Variants in TCERG1L observed in about 807,000 individuals in gnomAD.
TCERG1L encodes transcription elongation regulator 1 like.
Under a neutral mutation model 56.3 loss-of-function variants are expected in TCERG1L, and 37 were observed. The ratio of observed to expected loss-of-function variants is 0.66; its 90% CI spans 0.51 to 0.87. The LOEUF is 0.87. TCERG1L is among the 40% of genes least tolerant of loss of function. The probability of loss-of-function intolerance (pLI) is 0.00; values close to 1 mark genes in which losing one functional copy is unlikely to be tolerated. For missense variants in TCERG1L, 799 were observed against 774.2 expected (o/e 1.03, Z -0.38); for synonymous variants, 324 against 326.3 (o/e 0.99, Z 0.08).
chr10:131,242,307 CG>C (rs1177634580), intron 4 of TCERG1L, among the ~76,000 whole-genome samples: 1 of 151,870 alleles, frequency 6.6e-6, no homozygotes, highest in Non-Finnish European at 1.5e-5. Flanking sequence ...GGAAAAAGGA[CG>C]AGAAATAGAA....
At chr10:131,215,076 G>A (rs532001032) in intron 4 of TCERG1L, among the ~76,000 whole-genome samples, 3 of 152,240 alleles carry the variant, frequency 2.0e-5, no homozygotes, top group African/African-American at 4.8e-5. Context: ...CAGATCCCAC[G>A]CTTGTACTTC....
At chr10:131,198,512 A>G (rs1348374155) in intron 4 of TCERG1L, among the ~76,000 whole-genome samples, 2 of 152,260 alleles carry the variant, frequency 1.3e-5, no homozygotes, top group African/African-American at 2.4e-5. Context: ...TATAAAGAGC[A>G]GAAGTGTGTT....
At chr10:131,101,753 T>C (rs1357338084) in intron 10 of TCERG1L, among the ~76,000 whole-genome samples, 2 of 152,084 alleles carry the variant, frequency 1.3e-5, no homozygotes, top group Non-Finnish European at 2.9e-5. Context: ...CAGGCTGGAG[T>C]GCAGTGGCGT....
At chr10:131,275,919 A>T (rs866973365) in intron 3 of TCERG1L, among the ~76,000 whole-genome samples, 1 of 152,134 alleles carries the variant, frequency 6.6e-6, no homozygotes, top group Non-Finnish European at 1.5e-5. Context: ...ACGCACCCCC[A>T]GGTTGGCTCA....
chr10:131,127,992 C>T (rs1478554239), intron 8 of TCERG1L, among the ~76,000 whole-genome samples: 1 of 151,996 alleles, frequency 6.6e-6, no homozygotes, highest in Non-Finnish European at 1.5e-5. Context: ...ATTCAGCTGA[C>T]TATTCAAAAA....
chr10:131,132,600 TTG>T (rs759451626), intron 8 of TCERG1L, among the ~76,000 whole-genome samples: 7 of 152,226 alleles, frequency 4.6e-5, no homozygotes, highest in Non-Finnish European at 1.0e-4. Flanking sequence ...GAAGCTCATC[TTG>T]TGTTTTCAAT....
intron 3 of TCERG1L, among the ~76,000 whole-genome samples, chr10:131,290,953 C>A (rs1335672647): frequency 6.6e-6 from 1 of 152,176 alleles, no homozygotes; most frequent in Non-Finnish European, 1.5e-5. Flanking sequence ...TGGCCCGTTG[C>A]ATCCCACTTC....
intron 4 of TCERG1L, among the ~76,000 whole-genome samples, chr10:131,206,982 T>C (rs1229423186): frequency 6.6e-6 from 1 of 152,116 alleles, no homozygotes; most frequent in African/African-American, 2.4e-5. Context: ...CAAATAGGCC[T>C]TTCTTGGCGT....
intron 9 of TCERG1L, among the ~76,000 whole-genome samples, chr10:131,113,068 C>T (rs533394073): frequency 1.4e-5 from 2 of 142,582 alleles, no homozygotes; most frequent in African/African-American, 2.5e-5. Context: ...TGCATCCCTG[C>T]GTTACCCTAC....
intron 4 of TCERG1L, among the ~76,000 whole-genome samples, chr10:131,251,074 C>T (rs1846105178): frequency 6.6e-6 from 1 of 152,168 alleles, no homozygotes; most frequent in Non-Finnish European, 1.5e-5. Context: ...GCCGTGGGTC[C>T]GTCTCAGGGA....
chr10:131,134,544 G>T (rs1002268040), intron 7 of TCERG1L, 96 bp from the exon 8 acceptor site: 9 of 901,170 alleles, frequency 1.0e-5, no homozygotes, highest in Non-Finnish European at 1.4e-5. Flanking sequence ...GACTTATCTA[G>T]AAATTAAGAC....
intron 8 of TCERG1L, among the ~76,000 whole-genome samples, chr10:131,129,854 C>G (rs1346129360): frequency 6.6e-6 from 1 of 152,056 alleles, no homozygotes; most frequent in Non-Finnish European, 1.5e-5. Flanking sequence ...TCAATCTTGG[C>G]GGAAGTTGAA....
intron 4 of TCERG1L, among the ~76,000 whole-genome samples, chr10:131,183,651 C>T (rs542405809): frequency 3.9e-5 from 6 of 152,264 alleles, no homozygotes; most frequent in African/African-American, 9.6e-5. Flanking sequence ...TTTATGCACC[C>T]GCTCTCTCTA....
chr10:131,203,307 T>G (rs1035658775), intron 4 of TCERG1L, among the ~76,000 whole-genome samples: 4 of 40,338 alleles, frequency 9.9e-5, no homozygotes, highest in East Asian at 1.1e-3. Context: ...AGAGTGAGAC[T>G]CCGTCTCAAA....
rs201034812 is a variant in TCERG1L at position 131,093,283 on chromosome 10, C to T, written c.1640G>A (p.Arg547Gln). 71 of 1,613,780 alleles carry T rather than the reference C, an allele frequency of 4.4e-5. No homozygotes were observed. The highest frequency in any genetic ancestry group is 1.6e-4 in the Middle Eastern group (1 of 6,082). Residue 547 changes from arginine (R) to glutamine (Q), a missense_variant, in exon 12 of 12, where the codon CGG becomes CAG. Transcript: ENST00000368642. ...TTGAACAAGTCGGAACCTCTGATCC[C>T]GGCCGTATTTCTCTGCAAACTCCTT... ...TFKEFAEKYGRDQRFRLVQKR... is the reference protein window; with the variant it reads ...TFKEFAEKYGQDQRFRLVQKR...
At chr10:131,178,978 C>A (rs187923636) in intron 4 of TCERG1L, among the ~76,000 whole-genome samples, 1 of 152,390 alleles carries the variant, frequency 6.6e-6, no homozygotes, top group East Asian at 1.9e-4. Flanking sequence ...GGGACACACT[C>A]CTACGTGTCA....
At chr10:131,150,769 GTA>G (rs1404809799) in intron 6 of TCERG1L, among the ~76,000 whole-genome samples, 1 of 152,218 alleles carries the variant, frequency 6.6e-6, no homozygotes, top group East Asian at 1.9e-4. Context: ...GTCAGTGGCT[GTA>G]TGAGTCCATT....
At chr10:131,150,227 G>A (rs1480193646) in intron 6 of TCERG1L, among the ~76,000 whole-genome samples, 1 of 9,360 alleles carries the variant, frequency 1.1e-4, no homozygotes, top group Non-Finnish European at 1.3e-3. Context: ...GTTTCTGGCA[G>A]GAGGCCATCT....
chr10:131,134,257 T>G, intron 8 of TCERG1L, 122 bp downstream of exon 8: 1 of 866,936 alleles, frequency 1.2e-6, no homozygotes, highest in Admixed American at 2.3e-5. Flanking sequence ...TCTTACCATC[T>G]GTCTAGCGGT....
Sources: gnomAD v4.1 joint callset for allele counts (sites outside exome capture counted in the v4.1 genomes callset) on GRCh38, gnomAD v4.1.1 for gene constraint, MANE v1.5 for transcripts, NCBI Gene and HGNC (gene_info 2026-07-23, HGNC 2026-07-21) for gene names.